PCNA: variants seen among roughly 807,000 people sequenced by gnomAD.
PCNA encodes the protein proliferating cell nuclear antigen.
In PCNA, 4 loss-of-function variants were observed where a neutral mutation model predicts 27.8. The observed-to-expected ratio is 0.14, with a 90% confidence interval of 0.07 to 0.33. The LOEUF (loss-of-function observed/expected upper bound fraction) is 0.33, where lower values mean the gene tolerates loss of function less well. Ranked by LOEUF, PCNA falls within the 10% of genes least tolerant of loss-of-function variation. PCNA has a pLI of 1.00. For missense variants in PCNA, 165 were observed against 327.4 expected (o/e 0.50, Z 3.83); for synonymous variants, 121 against 119.4 (o/e 1.01, Z -0.09).
At chr20:5,119,526 C>G in intron 1 of PCNA, 52 bp downstream of exon 1, 1 of 1,466,474 alleles carries the variant, frequency 6.8e-7, no homozygotes. Context: ...TCCCGCCAAG[C>G]ACCGGAGGTG....
intron 1 of PCNA, among the ~76,000 whole-genome samples, 192 bp downstream of exon 1, chr20:5,119,386 G>A (rs1012613373): frequency 1.3e-5 from 2 of 152,250 alleles, no homozygotes; most frequent in Admixed American, 1.3e-4. Context: ...CGAAAAAGCA[G>A]GTTCGCGCAG....
In PCNA at chr20:5,118,742, G is replaced by C. The variant is rs1434979362; in HGVS notation, c.319+27C>G. The C allele has an allele frequency of 5.0e-6, 8 of 1,607,666 alleles. No homozygotes were observed. In the East Asian group the frequency reaches 1.1e-4, roughly 22 times the overall value. The stretch of plus-strand genomic sequence containing the variant: ...CAGAGTTTTGATTTTCTGTAGCTTC[G>C]TGACTCGGTAAAAAGGTACGACTTA... On this transcript the variant is annotated intron_variant, in intron 2 of 5. Transcript: ENST00000379143.
rs2090466150 is a variant in PCNA, at chr20:5,115,102, G to A, written c.*181C>T. The stretch of plus-strand genomic sequence containing the variant: ...GTTAACTAGACCAGATCTGACTTTG[G>A]ACTTTATTCTTTAAACAAATTGCAG... On this transcript the variant is annotated 3_prime_UTR_variant, in exon 6 of 6. Transcript: ENST00000379143. 3.8e-6 allele frequency: 2 copies of A among 522,382 alleles called. No homozygotes were observed. The highest frequency in any genetic ancestry group is 6.8e-6 in the Non-Finnish European group (2 of 294,852). The allele number at this position is 522,382 out of a possible 1,614,324, so 32.4% of individuals were successfully genotyped here.
Position 5,117,570 on chromosome 20 carries a change from G to A in PCNA, c.482C>T (p.Ser161Phe). The A allele has an allele frequency of 6.2e-7, 1 of 1,613,848 alleles. No individual in the cohort carries two copies. Among genetic ancestry groups the A allele is most frequent in the Non-Finnish European group, 8.5e-7 (1 of 1,179,868 alleles). The change falls in exon 4 of 6, where the codon TCC becomes TTC. Residue 161 changes from serine (S) to phenylalanine (F), a missense_variant. Ser to Phe is a radical substitution (Grantham distance 155). Transcript: ENST00000379143. ...AAATTTCACTCCGTCTTTTGCACAG[G>A]AAATTACAACAGCATCTCCAATATG... is the stretch of plus-strand genomic sequence containing the variant. ...LSHIGDAVVI[S>F]CAKDGVKFSA...
intron 1 of PCNA, among the ~76,000 whole-genome samples, chr20:5,125,961 C>T (rs572016644): frequency 3.3e-5 from 5 of 152,084 alleles, no homozygotes; most frequent in African/African-American, 9.6e-5. Flanking sequence ...GGGCCAGGCT[C>T]GGTGGCTCAC....
chr20:5,120,166 C>G (rs1383983386), upstream of PCNA: 2 of 256,264 alleles, frequency 7.8e-6, no homozygotes, highest in Non-Finnish European at 1.6e-5. Flanking sequence ...ACTCCTGAAC[C>G]CGGCCGCAGA....
upstream of PCNA, among the ~76,000 whole-genome samples, chr20:5,123,451 T>C (rs1306710099): frequency 2.6e-5 from 4 of 152,142 alleles, no homozygotes; most frequent in Non-Finnish European, 5.9e-5. Flanking sequence ...TCCCAGAACT[T>C]TGGGAGGCTG....
upstream of PCNA, among the ~76,000 whole-genome samples, chr20:5,123,025 A>G (rs2090526458): frequency 1.3e-5 from 2 of 152,252 alleles, no homozygotes; most frequent in South Asian, 4.1e-4. Context: ...CTGAGGAGGT[A>G]GCATCTTATC....
In PCNA at chr20:5,115,316, C is replaced by T. The variant is rs1234198343; in HGVS notation, c.753G>A (p.Leu251=). ...IADMGHLKYY[L]APKIEDEEGS is the part of the protein sequence containing the mutation. ...CTTCTTCATCCTCGATCTTGGGAGC[C>T]AAGTAGTATTTTAAGTGTCCCATAT... is the stretch of plus-strand genomic sequence containing the variant. Residue 251 remains leucine (L), a synonymous_variant, in exon 6 of 6, where the codon TTG becomes TTA. Coordinates refer to ENST00000379143, the MANE Select transcript of PCNA (RefSeq NM_182649.2). The T allele has an allele frequency of 9.9e-6, 16 of 1,613,734 alleles. No homozygotes were observed. The East Asian group carries it at 3.3e-4, about 34-fold the overall frequency.
intron 4 of PCNA, 121 bp from the exon 5 acceptor site, chr20:5,115,693 T>A (rs1481238321): frequency 4.1e-6 from 3 of 728,056 alleles, no homozygotes; most frequent in South Asian, 2.0e-5. Flanking sequence ...GCTATGAAAA[T>A]TTTGAAGACT....
At chr20:5,117,000 T>G (rs1224852740) in intron 4 of PCNA, among the ~76,000 whole-genome samples, 3 of 152,162 alleles carry the variant, frequency 2.0e-5, no homozygotes, top group African/African-American at 7.2e-5. Flanking sequence ...TCACTTAAGG[T>G]TGCTCAGCCT....
chr20:5,116,687 C>T (rs1384913528), intron 4 of PCNA, among the ~76,000 whole-genome samples: 1 of 152,054 alleles, frequency 6.6e-6, no homozygotes, highest in East Asian at 1.9e-4. Context: ...GAATCTTGCT[C>T]TGTCACCCAG....
In PCNA at chr20:5,115,188, A is replaced by C; in HGVS notation, c.*95T>G. ...AATATCTACATATGTACTTAGAGGT[A>C]CAAATTTGGTGACAGAAAAGACTTC... On this transcript the variant is annotated 3_prime_UTR_variant, in exon 6 of 6. Coordinates refer to ENST00000379143, the MANE Select transcript of PCNA (RefSeq NM_182649.2). The C allele has an allele frequency of 3.0e-5, 24 of 806,654 alleles. No individual in the cohort carries two copies. The highest frequency in any genetic ancestry group is 4.6e-5 in the South Asian group (3 of 64,986). The allele number at this position is 806,654 out of a possible 1,614,324, so 50.0% of individuals were successfully genotyped here. A position where few individuals can be genotyped will look rare whatever the true frequency, so the allele number is the denominator to read the frequency against.
chr20:5,118,717 C>CA (rs1568519856), intron 2 of PCNA, 40 bp from the exon 3 acceptor site: 2 of 1,607,856 alleles, frequency 1.2e-6, no homozygotes, highest in Non-Finnish European at 8.5e-7. Context: ...AATACTGACA[C>CA]AGAGTTTTGA....
In PCNA at chr20:5,125,394, G is replaced by A. The variant is rs376573790; in HGVS notation, c.-117+1106C>T. Among the ~76,000 whole-genome samples, 40 of 152,136 alleles carry A rather than the reference G, an allele frequency of 2.6e-4. No individual in the cohort carries two copies. The East Asian group carries it at 6.9e-3, about 26-fold the overall frequency. ...CCCAGCACTTTGGGAGACCTAGGCG[G>A]GAGGATCTCTTGAACCCAGGAGTTC... On this transcript the variant is annotated intron_variant, in intron 1 of 6. Coordinates refer to the PCNA transcript ENST00000379160.
upstream of PCNA, among the ~76,000 whole-genome samples, chr20:5,124,669 C>T (rs1045902703): frequency 5.3e-5 from 8 of 151,018 alleles, no homozygotes; most frequent in Non-Finnish European, 7.4e-5. Context: ...AAACAAAAAA[C>T]GAAAAGAGAG....
chr20:5,121,315 TTCTCAATCA>T (rs1488460107), upstream of PCNA: 1 of 152,092 alleles, frequency 6.6e-6, no homozygotes, highest in African/African-American at 2.4e-5. Context: ...GTCTGACATA[TTCTCAATCA>T]TTATGGCTTC....
intron 1 of PCNA, 97 bp downstream of exon 1, chr20:5,119,481 C>T (rs2090500602): frequency 6.1e-6 from 6 of 988,326 alleles, no homozygotes; most frequent in African/African-American, 1.6e-5. Flanking sequence ...CGCGGATGGC[C>T]CACGCCAGCC....
intron 3 of PCNA, 84 bp from the exon 4 acceptor site, chr20:5,117,748 A>C: frequency 1.4e-6 from 1 of 723,628 alleles, no homozygotes; most frequent in East Asian, 2.6e-5. Flanking sequence ...GGCAACACCT[A>C]AACAACTCAG....
Sources: gnomAD v4.1 joint callset for allele counts (sites outside exome capture counted in the v4.1 genomes callset) on GRCh38, gnomAD v4.1.1 for gene constraint, MANE v1.5 for transcripts, NCBI Gene and HGNC (gene_info 2026-07-23, HGNC 2026-07-21) for gene names.